The following PDGFC variants were observed in gnomAD, a reference collection of about 807,000 sequenced individuals.
PDGFC encodes platelet derived growth factor C.
A neutral mutation model predicts 35.5 loss-of-function variants in PDGFC; 12 were observed. That is an observed-to-expected ratio of 0.34 (90% CI 0.22 to 0.55). The LOEUF (loss-of-function observed/expected upper bound fraction) is 0.55, where lower values mean the gene tolerates loss of function less well. Ranked by LOEUF, PDGFC falls within the 20% of genes least tolerant of loss-of-function variation. The pLI is 0.91. For missense variants in PDGFC, 322 were observed against 412.4 expected, an observed-to-expected ratio of 0.78 and a Z score of 1.90; for synonymous variants, 159 against 148.8, an observed-to-expected ratio of 1.07 and a Z score of -0.50.
intron 1 of PDGFC, among the ~76,000 whole-genome samples, chr4:156,929,249 CT>C (rs1426976410): frequency 1.1e-4 from 16 of 152,038 alleles, no homozygotes; most frequent in African/African-American, 3.9e-4. Flanking sequence ...TAATAAAAGT[CT>C]TAATCAAATA....
At chr4:156,838,443 G>T (rs541540379) in intron 2 of PDGFC, among the ~76,000 whole-genome samples, 2 of 152,158 alleles carry the variant, frequency 1.3e-5, no homozygotes, top group Non-Finnish European at 2.9e-5. Flanking sequence ...GAGCTTTTGC[G>T]GAAAACTTTT....
intron 1 of PDGFC, among the ~76,000 whole-genome samples, chr4:156,879,124 T>C (rs1288585121): frequency 2.0e-5 from 3 of 152,284 alleles, no homozygotes; most frequent in Middle Eastern, 3.4e-3. Flanking sequence ...AATGAGCTGC[T>C]TCTTTTCTCA....
chr4:156,901,080 CTGCTAGATTGATGGTTCTCAA>C (rs1730763573), intron 1 of PDGFC, among the ~76,000 whole-genome samples: 1 of 152,172 alleles, frequency 6.6e-6, no homozygotes, highest in Non-Finnish European at 1.5e-5. Flanking sequence ...TGTATTTTCT[CTGCTAGATTGATGGTTCTCAA>C]ATTGTATCAT....
chr4:156,875,593 C>T (rs906431894), intron 1 of PDGFC, among the ~76,000 whole-genome samples: 3 of 152,044 alleles, frequency 2.0e-5, no homozygotes, highest in African/African-American at 7.2e-5. Context: ...AATTTTGTCC[C>T]GACATATCGG....
At chr4:156,903,425 A>C (rs745751384) in intron 1 of PDGFC, among the ~76,000 whole-genome samples, 5 of 152,116 alleles carry the variant, frequency 3.3e-5, no homozygotes, top group Non-Finnish European at 5.9e-5. Flanking sequence ...AAGGATTTAT[A>C]ATGTTCCAAG....
chr4:156,961,666 G>C (rs1732346559), intron 1 of PDGFC, among the ~76,000 whole-genome samples: 1 of 152,124 alleles, frequency 6.6e-6, no homozygotes, highest in Non-Finnish European at 1.5e-5. Context: ...TAACCTCATA[G>C]CAATTAATTT....
chr4:156,899,858 G>A (rs1235650720), intron 1 of PDGFC, among the ~76,000 whole-genome samples: 1 of 152,136 alleles, frequency 6.6e-6, no homozygotes, highest in Admixed American at 6.6e-5. Flanking sequence ...GGCATCTACT[G>A]ACATCCTAAT....
intron 1 of PDGFC, among the ~76,000 whole-genome samples, chr4:156,926,049 CAAAAAAAAAAAAAA>C (rs397707839): frequency 1.6e-3 from 109 of 67,554 alleles, no homozygotes; most frequent in African/African-American, 6.8e-3. Flanking sequence ...AGATCTGTCT[CAAAAAAAAAAAAAA>C]AAAAAAAAAA....
At chr4:156,888,990 ATTTC>A (rs1310840730) in intron 1 of PDGFC, among the ~76,000 whole-genome samples, 1 of 152,142 alleles carries the variant, frequency 6.6e-6, no homozygotes, top group African/African-American at 2.4e-5. Flanking sequence ...GTTTGTAACA[ATTTC>A]TTTGTGAATT....
intron 1 of PDGFC, among the ~76,000 whole-genome samples, chr4:156,936,163 T>G (rs1731675604): frequency 6.6e-6 from 1 of 152,230 alleles, no homozygotes; most frequent in African/African-American, 2.4e-5. Flanking sequence ...CAGTTGGATC[T>G]GTCTTTTAGT....
At chr4:156,956,668 A>G (rs1732220617) in intron 1 of PDGFC, among the ~76,000 whole-genome samples, 1 of 152,052 alleles carries the variant, frequency 6.6e-6, no homozygotes, top group Non-Finnish European at 1.5e-5. Context: ...GAAATTTAAA[A>G]ATGTAAAGAT....
intron 3 of PDGFC, 126 bp from the exon 4 acceptor site, chr4:156,773,019 A>G (rs112577122): frequency 1.8e-4 from 114 of 639,758 alleles, no homozygotes; most frequent in Middle Eastern, 1.3e-3. Context: ...ATTGAATCCA[A>G]TTAGAAATAA....
intron 1 of PDGFC, among the ~76,000 whole-genome samples, chr4:156,888,477 T>C (rs1730427837): frequency 6.6e-6 from 1 of 152,172 alleles, no homozygotes; most frequent in East Asian, 1.9e-4. Flanking sequence ...TAAAATTAAA[T>C]TGGAGATCAA....
At chr4:156,929,371 T>C (rs1463717150) in intron 1 of PDGFC, among the ~76,000 whole-genome samples, 1 of 151,750 alleles carries the variant, frequency 6.6e-6, no homozygotes, top group African/African-American at 2.4e-5. Context: ...GAGATATTAG[T>C]TGGGAAGAAA....
At chr4:156,896,701 C>T (rs992610550) in intron 1 of PDGFC, among the ~76,000 whole-genome samples, 1 of 152,154 alleles carries the variant, frequency 6.6e-6, no homozygotes, top group Admixed American at 6.5e-5. Context: ...TGTGCAGATA[C>T]CACTGTGTTA....
At chr4:156,822,246 C>T (rs1218637710) in intron 2 of PDGFC, among the ~76,000 whole-genome samples, 1 of 150,892 alleles carries the variant, frequency 6.6e-6, no homozygotes, top group African/African-American at 2.4e-5. Flanking sequence ...GTAGTCCCAG[C>T]TACCTGGGAG....
chr4:156,768,050 T>G, intron 4 of PDGFC, 60 bp from the exon 5 acceptor site: 1 of 961,112 alleles, frequency 1.0e-6, no homozygotes, highest in South Asian at 1.4e-5. Context: ...CCTGAATGTA[T>G]TTCATTAAGC....
intron 3 of PDGFC, among the ~76,000 whole-genome samples, chr4:156,788,214 A>AC (rs1356559506): frequency 1.3e-5 from 2 of 152,250 alleles, no homozygotes; most frequent in African/African-American, 2.4e-5. Context: ...GAGAAAAAAA[A>AC]ACACACACAG....
At chr4:156,778,156 A>C (rs2110836528) in intron 3 of PDGFC, 1 of 292,928 alleles carries the variant, frequency 3.4e-6, no homozygotes, top group South Asian at 2.7e-5. Flanking sequence ...AAAAGTAAAA[A>C]CCTGTGAGGT....
Sources: allele counts gnomAD v4.1 joint callset (sites outside exome capture counted in the v4.1 genomes callset), GRCh38; gene constraint gnomAD v4.1.1; transcripts MANE v1.5; gene names NCBI Gene and HGNC (gene_info 2026-07-23, HGNC 2026-07-21).